The following XKR9 variants were observed in gnomAD, a reference collection of about 807,000 sequenced individuals.
XKR9 encodes XK-related protein 9.
A neutral mutation model predicts 32.0 loss-of-function variants in XKR9; 32 were observed. That is an observed-to-expected ratio of 1.00 (90% CI 0.76 to 1.34). The LOEUF is 1.34. Among genes scored for constraint, XKR9 ranks in the 40% most tolerant of loss-of-function variants. XKR9 has a pLI of 0.00. For missense variants in XKR9, 546 were observed against 429.7 expected (o/e 1.27, Z -2.39); for synonymous variants, 168 against 143.4 (o/e 1.17, Z -1.22).
chr8:70,986,226 C>G, the XKR9 span, among the ~76,000 whole-genome samples: 1 of 152,118 alleles, frequency 6.6e-6, no homozygotes, highest in Non-Finnish European at 1.5e-5. Flanking sequence ...TTCGGCAAGC[C>G]ACGTAACCTC....
At chr8:70,683,983 T>C (rs1819173996) in intron 3 of XKR9, among the ~76,000 whole-genome samples, 1 of 152,252 alleles carries the variant, frequency 6.6e-6, no homozygotes, top group Admixed American at 6.5e-5. Context: ...TATATTTGAT[T>C]GTTTTTTGGT....
At chr8:70,926,976 T>C in the XKR9 span, among the ~76,000 whole-genome samples, 4 of 152,140 alleles carry the variant, frequency 2.6e-5, no homozygotes, top group African/African-American at 7.2e-5. Flanking sequence ...TATAGTTTTG[T>C]TTCACTTACA....
At chr8:70,987,833 G>A in the XKR9 span, among the ~76,000 whole-genome samples, 1 of 152,190 alleles carries the variant, frequency 6.6e-6, no homozygotes, top group Non-Finnish European at 1.5e-5. Flanking sequence ...GCAAACTTCT[G>A]TCTGGGCATC....
At chr8:70,964,594 G>GT in the XKR9 span, among the ~76,000 whole-genome samples, 1 of 152,162 alleles carries the variant, frequency 6.6e-6, no homozygotes, top group Non-Finnish European at 1.5e-5. Context: ...AGCATGGAAT[G>GT]TTTTTCCATT....
chr8:70,790,330 T>A (rs1380667918), exon 4 of XKR9: 1 of 152,084 alleles, frequency 6.6e-6, no homozygotes, highest in Non-Finnish European at 1.5e-5. Context: ...TTAAAAGTAT[T>A]GAATATATAA....
intron 3 of XKR9, among the ~76,000 whole-genome samples, chr8:70,695,423 C>T (rs1805232798): frequency 6.8e-6 from 1 of 147,504 alleles, no homozygotes; most frequent in Non-Finnish European, 1.5e-5. Flanking sequence ...TGAGAACATG[C>T]AGTGTTTGGT....
chr8:70,703,120 G>T, intron 3 of XKR9, among the ~76,000 whole-genome samples: 1 of 151,346 alleles, frequency 6.6e-6, no homozygotes, highest in South Asian at 2.1e-4. Flanking sequence ...TATGTTACTG[G>T]TTTTGATCAA....
chr8:70,731,014 G>A (rs1806645642), intron 4 of XKR9, among the ~76,000 whole-genome samples: 3 of 152,220 alleles, frequency 2.0e-5, no homozygotes, highest in South Asian at 4.1e-4. Flanking sequence ...ATCCAGTATT[G>A]GTGTCAGGGT....
At chr8:70,903,093 A>C in the XKR9 span, among the ~76,000 whole-genome samples, 1 of 152,096 alleles carries the variant, frequency 6.6e-6, no homozygotes, top group Non-Finnish European at 1.5e-5. Flanking sequence ...TATTGGTCTA[A>C]AATTCTTTTT....
chr8:71,020,702 T>G, the XKR9 span, among the ~76,000 whole-genome samples: 2 of 152,228 alleles, frequency 1.3e-5, no homozygotes, highest in African/African-American at 2.4e-5. Flanking sequence ...GAATGTGTAA[T>G]GATCCGGGTG....
intron 2 of XKR9, among the ~76,000 whole-genome samples, chr8:70,763,014 A>T (rs929151343): frequency 1.3e-5 from 2 of 152,168 alleles, no homozygotes; most frequent in Admixed American, 6.5e-5. Flanking sequence ...TTGTGACCAG[A>T]TCCTGAATAA....
the XKR9 span, among the ~76,000 whole-genome samples, chr8:71,047,815 A>G: frequency 1.9e-4 from 29 of 152,298 alleles, no homozygotes; most frequent in African/African-American, 7.0e-4. Context: ...TGCTTTTTAA[A>G]ATGACTATTT....
the XKR9 span, among the ~76,000 whole-genome samples, chr8:70,902,862 C>T: frequency 6.6e-6 from 1 of 152,086 alleles, no homozygotes; most frequent in Non-Finnish European, 1.5e-5. Context: ...TTGTTGAAGG[C>T]CTTTTCTGCA....
chr8:70,839,345 C>G, the XKR9 span, among the ~76,000 whole-genome samples: 1 of 152,138 alleles, frequency 6.6e-6, no homozygotes, highest in Non-Finnish European at 1.5e-5. Context: ...ACCGTTGTCC[C>G]TGAAGTCTAG....
chr8:70,876,561 T>C, the XKR9 span, among the ~76,000 whole-genome samples: 6 of 152,142 alleles, frequency 3.9e-5, no homozygotes, highest in Admixed American at 3.9e-4. Context: ...ATCTCTACTT[T>C]GAAGAAATCT....
chr8:70,701,229 A>G (rs1805522233), intron 3 of XKR9, among the ~76,000 whole-genome samples: 1 of 152,160 alleles, frequency 6.6e-6, no homozygotes, highest in Admixed American at 6.5e-5. Flanking sequence ...CCCTAGTGAG[A>G]TGAACACGGT....
intron 2 of XKR9, among the ~76,000 whole-genome samples, chr8:70,764,235 C>A (rs1418188806): frequency 1.3e-5 from 2 of 152,306 alleles, no homozygotes; most frequent in South Asian, 2.1e-4. Flanking sequence ...TCTCTGCCCT[C>A]TTTACTCTGC....
At chr8:70,715,668 T>C (rs1806063371) in intron 4 of XKR9, among the ~76,000 whole-genome samples, 1 of 152,112 alleles carries the variant, frequency 6.6e-6, no homozygotes, top group Admixed American at 6.5e-5. Flanking sequence ...AGCACATCAT[T>C]ATATCATTTC....
At chr8:70,928,405 G>C in the XKR9 span, among the ~76,000 whole-genome samples, 3 of 152,148 alleles carry the variant, frequency 2.0e-5, no homozygotes, top group African/African-American at 7.2e-5. Context: ...TAGCCTTGTG[G>C]ACATTACTAA....
Sources: allele counts gnomAD v4.1 joint callset (sites outside exome capture counted in the v4.1 genomes callset), GRCh38; gene constraint gnomAD v4.1.1; transcripts MANE v1.5; gene names NCBI Gene and HGNC (gene_info 2026-07-23, HGNC 2026-07-21).